Variants in FGF12 observed in about 807,000 individuals in gnomAD.
FGF12 encodes fibroblast growth factor 12.
Under a neutral mutation model 23.6 loss-of-function variants are expected in FGF12, and 14 were observed. The ratio of observed to expected loss-of-function variants is 0.59; its 90% CI spans 0.39 to 0.93. FGF12 has a LOEUF of 0.93. Ranked by LOEUF, FGF12 falls within the 40% of genes least tolerant of loss-of-function variation. The probability of loss-of-function intolerance (pLI) is 0.00; values close to 1 mark genes in which losing one functional copy is unlikely to be tolerated. For missense variants in FGF12, 175 were observed against 217.8 expected (o/e 0.80, Z 1.24); for synonymous variants, 62 against 77.3 (o/e 0.80, Z 1.04).
intron 2 of FGF12, among the ~76,000 whole-genome samples, chr3:192,637,525 T>C (rs1014018554): frequency 6.6e-6 from 1 of 152,202 alleles, no homozygotes; most frequent in Non-Finnish European, 1.5e-5. Flanking sequence ...TAGACCTCTC[T>C]GCATTCAGCT....
chr3:192,503,610 T>G (rs1453058273), intron 2 of FGF12, among the ~76,000 whole-genome samples: 1 of 146,916 alleles, frequency 6.8e-6, no homozygotes, highest in Non-Finnish European at 1.5e-5. Context: ...TGTGTTTTTT[T>G]TTTTTTTTTT....
intron 2 of FGF12, among the ~76,000 whole-genome samples, chr3:192,369,974 C>T (rs1719150821): frequency 6.6e-6 from 1 of 152,130 alleles, no homozygotes; most frequent in South Asian, 2.1e-4. Flanking sequence ...TTATAGTTAG[C>T]CTAGAATAGG....
chr3:192,725,454 ATTCT>A (rs1195544461), intron 2 of FGF12, among the ~76,000 whole-genome samples: 1 of 152,160 alleles, frequency 6.6e-6, no homozygotes, highest in African/African-American at 2.4e-5. Flanking sequence ...TATTTCTGAG[ATTCT>A]TTCTCCTTTC....
chr3:192,346,304 T>C (rs1164473671), intron 3 of FGF12, among the ~76,000 whole-genome samples: 1 of 152,230 alleles, frequency 6.6e-6, no homozygotes, highest in East Asian at 1.9e-4. Context: ...TCATGCAAGC[T>C]AGTGGGTTAA....
chr3:192,360,666 G>A lies in FGF12; in HGVS notation c.14-128C>T. ...CTTAAATATTGAATTATGTATTTGG[G>A]AGTTGGGTGTTTCAGTAACATATCT... On this transcript the variant is annotated intron_variant, in intron 2 of 5. Coordinates refer to ENST00000445105, the MANE Select transcript of FGF12 (RefSeq NM_004113.6). The surrounding 1 kb of genome is among the most constrained non-coding windows in gnomAD (Gnocchi z 4.3). The A allele has an allele frequency of 1.5e-6, 1 of 667,646 alleles. No homozygotes were observed. Among genetic ancestry groups the A allele is most frequent in the Non-Finnish European group, 2.7e-6 (1 of 375,650 alleles). The allele number at this position is 667,646 out of a possible 1,614,324, so 41.4% of individuals were successfully genotyped here. A position where few individuals can be genotyped will look rare whatever the true frequency, so the allele number is the denominator to read the frequency against.
intron 4 of FGF12, among the ~76,000 whole-genome samples, chr3:192,305,524 C>G (rs1010317280): frequency 3.3e-5 from 5 of 151,970 alleles, no homozygotes; most frequent in Non-Finnish European, 7.4e-5. Flanking sequence ...ATCGCCGTCT[C>G]TCTTCCAGAC....
rs1721060729 is a variant in FGF12, at chr3:192,408,487, C to T, written c.14-47949G>A. On this transcript the variant is annotated intron_variant, in intron 2 of 5. Transcript: ENST00000445105. The surrounding 1 kb of genome is among the most constrained non-coding windows in gnomAD (Gnocchi z 7.3). ...GGGGCGGGGCGGGGCGGTCCCAGGCCCTCTTGCGAAGTAGACGTTTGCACC... is the reference window on the plus strand; with the variant it reads ...GGGGCGGGGCGGGGCGGTCCCAGGCTCTCTTGCGAAGTAGACGTTTGCACC... The T allele has an allele frequency of 7.6e-7, 1 of 1,309,746 alleles. No individual in the cohort carries two copies. Among genetic ancestry groups the T allele is most frequent in the African/African-American group, 1.5e-5 (1 of 65,994 alleles). 81.1% of individuals were successfully genotyped at this position (1,309,746 alleles called of 1,614,324 possible).
intron 2 of FGF12, among the ~76,000 whole-genome samples, chr3:192,464,499 G>GGTGTGTGTGTGT (rs34803297): frequency 9.0e-5 from 12 of 132,606 alleles, no homozygotes; most frequent in Admixed American, 2.3e-4. Context: ...AGTATTCCAT[G>GGTGTGTGTGTGT]GTGTGTGTGT....
At chr3:192,386,538 G>A (rs13095146) in intron 2 of FGF12, among the ~76,000 whole-genome samples, 2 of 152,042 alleles carry the variant, frequency 1.3e-5, no homozygotes, top group Non-Finnish European at 2.9e-5. Flanking sequence ...TTAAAAAAAA[G>A]TATTATAATT....
At chr3:192,671,276 A>G (rs909337497) in intron 2 of FGF12, among the ~76,000 whole-genome samples, 6 of 152,218 alleles carry the variant, frequency 3.9e-5, no homozygotes, top group Admixed American at 2.6e-4. Flanking sequence ...AAACATCTCT[A>G]GTAGTACAGT....
At chr3:192,621,025 A>G (rs1021059487) in intron 2 of FGF12, among the ~76,000 whole-genome samples, 2 of 152,158 alleles carry the variant, frequency 1.3e-5, no homozygotes, top group African/African-American at 4.8e-5. Context: ...AAGGGAATAT[A>G]ATTCTATATG....
At chr3:192,375,214 T>C (rs1477044739) in intron 2 of FGF12, among the ~76,000 whole-genome samples, 3 of 152,208 alleles carry the variant, frequency 2.0e-5, no homozygotes, top group Non-Finnish European at 2.9e-5. Flanking sequence ...GCTATAATCA[T>C]TTTGCTTTAA....
chr3:192,200,505 A>C (rs1295349572), intron 4 of FGF12, among the ~76,000 whole-genome samples: 2 of 152,298 alleles, frequency 1.3e-5, no homozygotes, highest in African/African-American at 2.4e-5. Flanking sequence ...TACATTAAGA[A>C]AGAAACTTTC....
chr3:192,496,969 T>C lies in FGF12; in HGVS notation c.14-136431A>G, dbSNP rs542048153. On this transcript the variant is annotated intron_variant, in intron 2 of 5. Coordinates refer to ENST00000445105, the MANE Select transcript of FGF12 (RefSeq NM_004113.6). The stretch of plus-strand genomic sequence containing the variant: ...TCCATATTGACACTAACTCCTTACA[T>C]GACTAAATACAGTTCTGTGGTCCTA... Among the ~76,000 whole-genome samples, 9 of 152,338 alleles carry C rather than the reference T, an allele frequency of 5.9e-5. No individual in the cohort carries two copies. In the East Asian group the frequency reaches 1.7e-3, roughly 29 times the overall value.
chr3:192,612,541 C>A (rs1352600280), intron 2 of FGF12, among the ~76,000 whole-genome samples: 5 of 151,666 alleles, frequency 3.3e-5, no homozygotes, highest in African/African-American at 1.2e-4. Context: ...TTATGATAAA[C>A]CTAGATGGTG....
intron 4 of FGF12, among the ~76,000 whole-genome samples, chr3:192,311,514 A>C (rs1299928460): frequency 6.6e-6 from 1 of 152,226 alleles, no homozygotes; most frequent in Non-Finnish European, 1.5e-5. Context: ...CATTGTATGA[A>C]TATACCAAAC....
intron 4 of FGF12, among the ~76,000 whole-genome samples, chr3:192,331,185 G>C (rs1385620687): frequency 6.6e-6 from 1 of 151,902 alleles, no homozygotes; most frequent in Non-Finnish European, 1.5e-5. Context: ...TGTTAGGATG[G>C]CCACTATCAA....
chr3:192,146,833 A>G (rs1160212121), intron 5 of FGF12, among the ~76,000 whole-genome samples: 1 of 152,198 alleles, frequency 6.6e-6, no homozygotes, highest in Non-Finnish European at 1.5e-5. Flanking sequence ...TTGCAAATTG[A>G]CATCTGAAAA....
chr3:192,709,842 T>C (rs929169923), intron 2 of FGF12, among the ~76,000 whole-genome samples: 3 of 152,196 alleles, frequency 2.0e-5, no homozygotes, highest in Non-Finnish European at 4.4e-5. Context: ...TTTACCATAT[T>C]GCATCTTGAA....
Sources: allele counts gnomAD v4.1 joint callset (sites outside exome capture counted in the v4.1 genomes callset), GRCh38; gene constraint gnomAD v4.1.1; non-coding constraint Gnocchi (gnomAD v3.1); transcripts MANE v1.5; gene names NCBI Gene and HGNC (gene_info 2026-07-23, HGNC 2026-07-21).